DOCK1: variants seen among roughly 807,000 people sequenced by gnomAD.
The protein encoded by DOCK1 is dedicator of cytokinesis protein 1.
A neutral mutation model predicts 262.7 loss-of-function variants in DOCK1; 138 were observed. The observed-to-expected ratio is 0.53, with a 90% CI of 0.46 to 0.61. DOCK1 has a LOEUF of 0.61. DOCK1 is among the 20% of genes least tolerant of loss of function. DOCK1 has a pLI of 0.00. For missense variants in DOCK1, 1,908 were observed against 2,370.7 expected (o/e 0.80, Z 4.05); for synonymous variants, 866 against 867.4 (o/e 1.00, Z 0.03).
intron 27 of DOCK1, among the ~76,000 whole-genome samples, chr10:127,244,084 A>C (rs2059353374): frequency 6.6e-6 from 1 of 152,224 alleles, no homozygotes; most frequent in Admixed American, 6.5e-5. Context: ...TCATCATAAC[A>C]CAAGTTATGA....
At chr10:127,433,479 T>G in intron 48 of DOCK1, 51 bp downstream of exon 48, 1 of 1,586,962 alleles carries the variant, frequency 6.3e-7, no homozygotes, top group South Asian at 1.1e-5. Flanking sequence ...GCTTGGGGGA[T>G]CTGGAAGGAG....
chr10:126,931,817 C>A (rs907313111), intron 1 of DOCK1, among the ~76,000 whole-genome samples: 1 of 152,072 alleles, frequency 6.6e-6, no homozygotes, highest in Admixed American at 6.5e-5. Flanking sequence ...CCCTGGGCTT[C>A]GGGAGGATGC....
intron 27 of DOCK1, among the ~76,000 whole-genome samples, chr10:127,164,753 A>G (rs2053929836): frequency 2.0e-5 from 3 of 152,234 alleles, no homozygotes; most frequent in Non-Finnish European, 4.4e-5. Context: ...CAGGAAAGCT[A>G]GTAATTATTA....
chr10:127,420,316 G>A (rs1461340408), intron 46 of DOCK1, among the ~76,000 whole-genome samples: 1 of 152,196 alleles, frequency 6.6e-6, no homozygotes, highest in Non-Finnish European at 1.5e-5. Context: ...CAGACCCTGG[G>A]TGCCTTGGGT....
intron 27 of DOCK1, among the ~76,000 whole-genome samples, chr10:127,230,312 C>A (rs890082928): frequency 6.6e-6 from 1 of 151,890 alleles, no homozygotes; most frequent in Non-Finnish European, 1.5e-5. Context: ...TTTTATTGTG[C>A]TTTTTAAGGT....
chr10:127,287,123 G>A (rs1434052353), intron 29 of DOCK1, among the ~76,000 whole-genome samples: 1 of 151,782 alleles, frequency 6.6e-6, no homozygotes, highest in Non-Finnish European at 1.5e-5. Context: ...TAGCCAGGAT[G>A]GTCTTGATCT....
At chr10:127,285,972 C>G (rs968146944) in intron 29 of DOCK1, among the ~76,000 whole-genome samples, 3 of 152,180 alleles carry the variant, frequency 2.0e-5, no homozygotes, top group Non-Finnish European at 4.4e-5. Flanking sequence ...AAATCATCCT[C>G]AAAAGGCAGG....
Position 127,384,669 on chromosome 10 carries a change from C to T in DOCK1, c.3808-121C>T, listed in dbSNP as rs906495566. On this transcript the variant is annotated intron_variant, in intron 37 of 51. Coordinates refer to ENST00000623213, the MANE Select transcript of DOCK1 (RefSeq NM_001290223.2). ...GCCCTGGCAGTCCCCAGCCTGTTGA[C>T]AGCAGCCACACATGTCTCCAGAACC... 20 of 1,228,770 alleles carry T rather than the reference C, an allele frequency of 1.6e-5. No homozygotes were observed. The Admixed American group carries it at 1.9e-4, about 12-fold the overall frequency. The allele number at this position is 1,228,770 out of a possible 1,614,324, so 76.1% of individuals were successfully genotyped here.
At chr10:127,138,685 A>G (rs1212952774) in intron 27 of DOCK1, among the ~76,000 whole-genome samples, 1 of 152,216 alleles carries the variant, frequency 6.6e-6, no homozygotes. Flanking sequence ...AGTAAAGACA[A>G]CACAGAAGTA....
intron 21 of DOCK1, among the ~76,000 whole-genome samples, chr10:127,044,674 T>G (rs142327034): frequency 0.01 from 1,524 of 152,230 alleles, 29 homozygotes; most frequent in African/African-American, 0.035. Flanking sequence ...CTTCTCAGAT[T>G]AGGCTCCGTG....
Position 126,989,395 on chromosome 10 carries a change from C to G in DOCK1, c.325-1060C>G, listed in dbSNP as rs145701703. ...AGGCTAGATTGCAGTGGCATGATCA[C>G]AGCTCCCTGCAGTCTTAACCTCCCA... On this transcript the variant is annotated intron_variant, in intron 5 of 51. Transcript: ENST00000623213. 4.6e-3 allele frequency among the ~76,000 whole-genome samples: 701 copies of G among 152,232 alleles called. 3 individuals are homozygous for G. Among genetic ancestry groups the G allele is most frequent in the African/African-American group, 0.016 (672 of 41,540 alleles).
At chr10:127,161,647 G>A (rs2053602699) in intron 27 of DOCK1, among the ~76,000 whole-genome samples, 3 of 152,158 alleles carry the variant, frequency 2.0e-5, no homozygotes, top group Non-Finnish European at 2.9e-5. Context: ...CTGCCCGGCT[G>A]CCACCTTTTG....
intron 6 of DOCK1, among the ~76,000 whole-genome samples, chr10:126,992,754 A>C (rs2135031374): frequency 6.9e-6 from 1 of 144,978 alleles, no homozygotes; most frequent in East Asian, 2.0e-4. Flanking sequence ...ACACACACAC[A>C]CACACACACA....
At chr10:127,001,709 A>T (rs2040607574) in intron 10 of DOCK1, 1 of 154,132 alleles carries the variant, frequency 6.5e-6, no homozygotes, top group African/African-American at 2.4e-5. Context: ...TGAGAGCAGC[A>T]TATTAATTCA....
At chr10:127,284,316 T>G (rs941106126) in intron 29 of DOCK1, among the ~76,000 whole-genome samples, 3 of 152,190 alleles carry the variant, frequency 2.0e-5, no homozygotes, top group African/African-American at 7.2e-5. Context: ...AAATATTTAA[T>G]TTATATCTTT....
chr10:127,386,797 T>G (rs2066149944), intron 38 of DOCK1, among the ~76,000 whole-genome samples: 1 of 152,156 alleles, frequency 6.6e-6, no homozygotes, highest in Admixed American at 6.5e-5. Context: ...AAAATTTTCC[T>G]CCCTGAAACC....
At chr10:127,371,883 A>C (rs1048994358) in intron 33 of DOCK1, among the ~76,000 whole-genome samples, 5 of 152,170 alleles carry the variant, frequency 3.3e-5, no homozygotes, top group African/African-American at 9.7e-5. Context: ...GCAGGATAGC[A>C]GTGGTTAGTA....
At chr10:127,268,605 C>G (rs930701376) in intron 29 of DOCK1, among the ~76,000 whole-genome samples, 47 of 152,136 alleles carry the variant, frequency 3.1e-4, no homozygotes, top group African/African-American at 1.1e-3. Flanking sequence ...AGCCACCCTT[C>G]TCTGCCATGT....
intron 21 of DOCK1, 140 bp from the exon 22 acceptor site, chr10:127,052,537 AAAAG>A (rs1379888753): frequency 2.4e-6 from 3 of 1,270,596 alleles, no homozygotes; most frequent in Non-Finnish European, 2.1e-6. Context: ...AAAAAAAAAA[AAAAG>A]AGAAAACGTT....
Sources: allele counts gnomAD v4.1 joint callset (sites outside exome capture counted in the v4.1 genomes callset), GRCh38; gene constraint gnomAD v4.1.1; transcripts MANE v1.5; gene names NCBI Gene and HGNC (gene_info 2026-07-23, HGNC 2026-07-21).